The following TIAM1 variants were observed in gnomAD, a reference collection of about 807,000 sequenced individuals.
TIAM1 encodes the protein rho guanine nucleotide exchange factor TIAM1.
TIAM1 carries 65 observed loss-of-function variants against 163.5 expected under a neutral mutation model. The observed-to-expected ratio is 0.40, with a 90% CI of 0.33 to 0.49. The LOEUF is 0.49. TIAM1 is among the 20% of genes least tolerant of loss of function. The pLI, the probability that TIAM1 is intolerant of heterozygous loss-of-function variation, is 0.77. For synonymous variants in TIAM1, 833 were observed against 810.1 expected (o/e 1.03, Z -0.48); for missense variants, 1,789 against 2,044.7 (o/e 0.87, Z 2.41).
intron 2 of TIAM1, among the ~76,000 whole-genome samples, chr21:31,351,559 A>G (rs1321601016): frequency 3.3e-5 from 5 of 152,218 alleles, no homozygotes; most frequent in Non-Finnish European, 7.3e-5. Flanking sequence ...CAAGGGGCCC[A>G]GAGACCTGGG....
chr21:31,549,771 T>C (rs1214493176), intron 1 of TIAM1, among the ~76,000 whole-genome samples: 3 of 152,252 alleles, frequency 2.0e-5, no homozygotes, highest in Non-Finnish European at 4.4e-5. Context: ...CTCAATACGT[T>C]AAACATAGAA....
chr21:31,439,571 T>C (rs1375235836), intron 2 of TIAM1, among the ~76,000 whole-genome samples: 3 of 152,250 alleles, frequency 2.0e-5, no homozygotes, highest in African/African-American at 7.2e-5. Context: ...ATTACAGGCA[T>C]GGGCCACCAC....
intron 2 of TIAM1, among the ~76,000 whole-genome samples, chr21:31,421,268 G>C (rs1032774870): frequency 6.6e-6 from 1 of 152,180 alleles, no homozygotes; most frequent in Admixed American, 6.5e-5. Flanking sequence ...GGCAGTGACT[G>C]GACGTTGCAG....
chr21:31,546,557 AAAG>A (rs869208418), intron 1 of TIAM1, among the ~76,000 whole-genome samples: 15 of 38,890 alleles, frequency 3.9e-4, no homozygotes, highest in African/African-American at 1.1e-3. Flanking sequence ...CTCAAAAAAA[AAAG>A]AAAGAAAGAA....
At chr21:31,440,123 G>GTT (rs769213834) in intron 2 of TIAM1, among the ~76,000 whole-genome samples, 22 of 152,174 alleles carry the variant, frequency 1.4e-4, no homozygotes, top group Non-Finnish European at 3.2e-4. Context: ...GCCATATGCA[G>GTT]TAAGTATTCT....
In TIAM1 at chr21:31,531,348, G is replaced by A. The variant is rs532595877; in HGVS notation, c.-422+27579C>T. Among the ~76,000 whole-genome samples the A allele has an allele frequency of 3.3e-4, 50 of 152,272 alleles. 1 individual carries two copies. The Middle Eastern group carries it at 0.01, about 31-fold the overall frequency. ...AGGTCTATGCTGTGAGCCAGCCACCGGTGCCACACAAGGGCCGCAACCCCT... is the reference window on the plus strand; with the variant it reads ...AGGTCTATGCTGTGAGCCAGCCACCAGTGCCACACAAGGGCCGCAACCCCT... On this transcript the variant is annotated intron_variant, in intron 1 of 28. Coordinates refer to the TIAM1 transcript ENST00000286827.
rs570343465 is a variant in TIAM1 at position 31,303,513 on chromosome 21, T to G, written c.-188-26605A>C. Among the ~76,000 whole-genome samples the G allele has an allele frequency of 1.6e-3, 236 of 151,632 alleles. 1 individual carries two copies. The highest frequency in any genetic ancestry group is 5.3e-3 in the African/African-American group (219 of 41,324). On this transcript the variant is annotated intron_variant, in intron 2 of 27. Coordinates refer to ENST00000541036, the MANE Select transcript of TIAM1 (RefSeq NM_001353694.2). ...TAGGAAATTGAATACAAAGAATTGG[T>G]TTTTTTTTCTTGTAATGTTGTCATA...
At chr21:31,153,003 C>A in intron 18 of TIAM1, 63 bp downstream of exon 18, 1 of 1,501,618 alleles carries the variant, frequency 6.7e-7, no homozygotes. Flanking sequence ...CCCATTTTTC[C>A]TCTTTACCAA....
At chr21:31,189,378 T>G (rs147156255) in intron 13 of TIAM1, among the ~76,000 whole-genome samples, 34 of 152,180 alleles carry the variant, frequency 2.2e-4, no homozygotes, top group African/African-American at 7.0e-4. Context: ...TTGGTCCTCT[T>G]TTTGTATAAT....
intron 2 of TIAM1, among the ~76,000 whole-genome samples, chr21:31,326,995 G>A (rs1020984560): frequency 1.3e-5 from 2 of 152,222 alleles, no homozygotes; most frequent in African/African-American, 4.8e-5. Flanking sequence ...TCAGAGATCT[G>A]ACAGATGTGT....
intron 1 of TIAM1, among the ~76,000 whole-genome samples, chr21:31,548,126 TTG>T (rs1253624995): frequency 3.5e-5 from 5 of 143,390 alleles, no homozygotes; most frequent in African/African-American, 5.1e-5. Context: ...TATTTGTTAT[TTG>T]TGTCTTTTTT....
intron 2 of TIAM1, among the ~76,000 whole-genome samples, chr21:31,355,842 G>A (rs991588593): frequency 1.8e-4 from 27 of 151,740 alleles, no homozygotes; most frequent in Non-Finnish European, 2.6e-4. Context: ...TGAGCACTGC[G>A]CGCCCGGCTA....
intron 2 of TIAM1, among the ~76,000 whole-genome samples, chr21:31,292,482 G>A (rs913170127): frequency 6.6e-6 from 1 of 150,906 alleles, no homozygotes; most frequent in Non-Finnish European, 1.5e-5. Flanking sequence ...TGATTCTCAT[G>A]CCTCAGCCTC....
intron 4 of TIAM1, among the ~76,000 whole-genome samples, chr21:31,264,912 C>T (rs2268223): frequency 0.11 from 17,499 of 152,200 alleles, 1,617 homozygotes; most frequent in East Asian, 0.41. Context: ...AAACCACCTC[C>T]ACATCCTCAG....
chr21:31,140,382 C>T (rs1429731095), intron 22 of TIAM1, among the ~76,000 whole-genome samples: 1 of 152,130 alleles, frequency 6.6e-6, no homozygotes, highest in South Asian at 2.1e-4. Context: ...GAGGCATTGA[C>T]GAATGTTACT....
chr21:31,509,229 A>T (rs753181789), intron 1 of TIAM1, among the ~76,000 whole-genome samples: 2 of 151,968 alleles, frequency 1.3e-5, no homozygotes, highest in Non-Finnish European at 2.9e-5. Context: ...CCCCAGGGAG[A>T]CTCACCCATT....
At chr21:31,330,260 C>G (rs1386022823) in intron 2 of TIAM1, among the ~76,000 whole-genome samples, 2 of 152,182 alleles carry the variant, frequency 1.3e-5, no homozygotes, top group Admixed American at 6.5e-5. Context: ...TCTTTCATGA[C>G]TAGCTCATTT....
intron 2 of TIAM1, among the ~76,000 whole-genome samples, chr21:31,378,041 C>T (rs1460630471): frequency 1.4e-5 from 2 of 147,796 alleles, no homozygotes; most frequent in Non-Finnish European, 3.0e-5. Flanking sequence ...GAGGCTGAGG[C>T]AGGAGAATCA....
intron 1 of TIAM1, among the ~76,000 whole-genome samples, chr21:31,558,761 G>A (rs887757080): frequency 2.6e-5 from 4 of 152,104 alleles, no homozygotes; most frequent in African/African-American, 9.7e-5. Flanking sequence ...AACAATACGT[G>A]GAAAGCCCGA....
Sources: allele counts gnomAD v4.1 joint callset (sites outside exome capture counted in the v4.1 genomes callset), GRCh38; gene constraint gnomAD v4.1.1; transcripts MANE v1.5; gene names NCBI Gene and HGNC (gene_info 2026-07-23, HGNC 2026-07-21).